The following SLC25A21 variants were observed in gnomAD, a reference collection of about 807,000 sequenced individuals.
The protein encoded by SLC25A21 is mitochondrial 2-oxodicarboxylate carrier.
A neutral mutation model predicts 43.8 loss-of-function variants in SLC25A21; 47 were observed. The ratio of observed to expected loss-of-function variants is 1.07; its 90% confidence interval spans 0.85 to 1.37. The LOEUF (loss-of-function observed/expected upper bound fraction) is 1.37, where lower values mean the gene tolerates loss of function less well. Among genes scored for constraint, SLC25A21 ranks in the 40% most tolerant of loss-of-function variants. The pLI, the probability that SLC25A21 is intolerant of heterozygous loss-of-function variation, is 0.00. For synonymous variants in SLC25A21, 131 were observed against 121.3 expected, an observed-to-expected ratio of 1.08 and a Z score of -0.52; for missense variants, 352 against 350.2, an observed-to-expected ratio of 1.00 and a Z score of -0.04.
chr14:36,975,740 C>A (rs925401762), intron 1 of SLC25A21, among the ~76,000 whole-genome samples: 2 of 152,170 alleles, frequency 1.3e-5, no homozygotes, highest in African/African-American at 4.8e-5. Context: ...GTTACTGTCT[C>A]CTCTTTGGCA....
At chr14:36,734,686 C>A in intron 3 of SLC25A21, 113 bp from the exon 4 acceptor site, 1 of 718,780 alleles carries the variant, frequency 1.4e-6, no homozygotes, top group Non-Finnish European at 2.4e-6. Flanking sequence ...GCACACCAAT[C>A]ATGAAGTCTT....
chr14:36,687,814 T>C (rs1882621595), intron 7 of SLC25A21, among the ~76,000 whole-genome samples: 1 of 152,244 alleles, frequency 6.6e-6, no homozygotes, highest in Non-Finnish European at 1.5e-5. Context: ...CTGTTACCTT[T>C]ACCAAGTCTT....
At chr14:36,809,485 T>C (rs768487324) in intron 3 of SLC25A21, among the ~76,000 whole-genome samples, 2 of 152,166 alleles carry the variant, frequency 1.3e-5, no homozygotes, top group African/African-American at 4.8e-5. Flanking sequence ...ACATGGTTTT[T>C]ATTAAAAAGT....
intron 2 of SLC25A21, among the ~76,000 whole-genome samples, chr14:36,833,649 GA>G (rs1889110423): frequency 6.6e-6 from 1 of 152,178 alleles, no homozygotes; most frequent in African/African-American, 2.4e-5. Flanking sequence ...AATTGTGCCA[GA>G]CCAATTTAAT....
chr14:37,033,696 T>C (rs1037665130), intron 1 of SLC25A21, among the ~76,000 whole-genome samples: 5 of 152,224 alleles, frequency 3.3e-5, no homozygotes, highest in African/African-American at 7.2e-5. Flanking sequence ...TATTGATGGA[T>C]ATGAATATAT....
chr14:36,888,594 G>A (rs1890990803), intron 1 of SLC25A21, among the ~76,000 whole-genome samples: 1 of 152,054 alleles, frequency 6.6e-6, no homozygotes, highest in Non-Finnish European at 1.5e-5. Flanking sequence ...GTCCATGTGT[G>A]TGCACAGGAA....
At chr14:36,894,021 G>A (rs887054462) in intron 1 of SLC25A21, among the ~76,000 whole-genome samples, 3 of 152,118 alleles carry the variant, frequency 2.0e-5, no homozygotes, top group Admixed American at 2.0e-4. Context: ...TTGGCAATGT[G>A]GACTCTTTTT....
chr14:36,968,628 A>G (rs1038880080), intron 1 of SLC25A21, among the ~76,000 whole-genome samples: 1 of 152,154 alleles, frequency 6.6e-6, no homozygotes, highest in Admixed American at 6.6e-5. Flanking sequence ...ACTGACCCTT[A>G]GAGCCTTTCT....
At chr14:36,913,435 C>G (rs1457215078) in intron 1 of SLC25A21, among the ~76,000 whole-genome samples, 1 of 152,070 alleles carries the variant, frequency 6.6e-6, no homozygotes, top group East Asian at 1.9e-4. Flanking sequence ...GCCAACACAC[C>G]CAGCTGATTT....
At position 36,742,859 on chromosome 14, in the gene SLC25A21, C is replaced by T. The variant is rs113406954; in HGVS notation, c.204-8286G>A. 7.9e-3 allele frequency among the ~76,000 whole-genome samples: 1,196 copies of T among 152,094 alleles called. 18 individuals carry two copies. Among genetic ancestry groups the T allele is most frequent in the African/African-American group, 0.027 (1,128 of 41,496 alleles). ...TATGGTCTTTGGATTGATTTGTTAC[C>T]CCAAACCATACCACTTTCATTATAC... On this transcript the variant is annotated intron_variant, in intron 3 of 9. Transcript: ENST00000331299.
At chr14:36,979,911 A>G (rs1566788247) in intron 1 of SLC25A21, among the ~76,000 whole-genome samples, 1 of 152,196 alleles carries the variant, frequency 6.6e-6, no homozygotes, top group South Asian at 2.1e-4. Context: ...CAAGTTAAAT[A>G]AAACATATTT....
chr14:36,682,523 A>G (rs1488923919), intron 9 of SLC25A21, among the ~76,000 whole-genome samples: 1 of 152,164 alleles, frequency 6.6e-6, no homozygotes, highest in Non-Finnish European at 1.5e-5. Flanking sequence ...GTTCCAGTCA[A>G]TTACCATTTT....
chr14:36,919,288 T>C (rs570338370), intron 1 of SLC25A21, among the ~76,000 whole-genome samples: 5 of 152,196 alleles, frequency 3.3e-5, no homozygotes, highest in African/African-American at 7.2e-5. Flanking sequence ...GTTATGTCTT[T>C]ATTAGATTTC....
intron 1 of SLC25A21, among the ~76,000 whole-genome samples, chr14:36,919,221 G>A (rs986055954): frequency 6.6e-6 from 1 of 152,040 alleles, no homozygotes; most frequent in South Asian, 2.1e-4. Context: ...CTAAATTGCT[G>A]CACAATAAAA....
chr14:36,695,169 T>A (rs1271038176), intron 7 of SLC25A21, among the ~76,000 whole-genome samples: 1 of 152,232 alleles, frequency 6.6e-6, no homozygotes, highest in African/African-American at 2.4e-5. Flanking sequence ...AAATAGGGAA[T>A]CCTTTCCCCA....
At chr14:36,879,971 T>A (rs1890663569) in intron 1 of SLC25A21, among the ~76,000 whole-genome samples, 3 of 152,206 alleles carry the variant, frequency 2.0e-5, no homozygotes, top group Non-Finnish European at 1.5e-5. Flanking sequence ...CTGAGAATCC[T>A]ACTAACCTTC....
At chr14:36,909,863 ATTTT>A (rs542723116) in intron 1 of SLC25A21, among the ~76,000 whole-genome samples, 1 of 151,608 alleles carries the variant, frequency 6.6e-6, no homozygotes, top group Admixed American at 6.6e-5. Flanking sequence ...GAATATATAG[ATTTT>A]TTTTTAAGTG....
intron 3 of SLC25A21, chr14:36,808,807 T>C (rs1330299834): frequency 6.6e-6 from 1 of 152,312 alleles, no homozygotes; most frequent in Admixed American, 6.5e-5. Context: ...GTTTTATGTC[T>C]TTCTCTACCT....
intron 1 of SLC25A21, among the ~76,000 whole-genome samples, chr14:37,153,274 T>C (rs1454402517): frequency 6.6e-6 from 1 of 152,218 alleles, no homozygotes. Flanking sequence ...TCTCATAAAC[T>C]GCACACTGTC....
Sources: gnomAD v4.1 joint callset for allele counts (sites outside exome capture counted in the v4.1 genomes callset) on GRCh38, gnomAD v4.1.1 for gene constraint, MANE v1.5 for transcripts, NCBI Gene and HGNC (gene_info 2026-07-23, HGNC 2026-07-21) for gene names.